The following SH3RF3 variants were observed in gnomAD, a reference collection of about 807,000 sequenced individuals.
SH3RF3 encodes SH3 domain containing ring finger 3, also known as E3 ubiquitin-protein ligase SH3RF3.
SH3RF3 carries 29 observed loss-of-function variants against 66.3 expected under a neutral mutation model. That is an observed-to-expected ratio of 0.44 (90% CI 0.33 to 0.60). The LOEUF is 0.60. Ranked by LOEUF, SH3RF3 falls within the 20% of genes least tolerant of loss-of-function variation. The pLI is 0.04. For synonymous variants in SH3RF3, 583 were observed against 532.0 expected, an observed-to-expected ratio of 1.10 and a Z score of -1.32; for missense variants, 1,194 against 1,190.9, an observed-to-expected ratio of 1.00 and a Z score of -0.04.
intron 1 of SH3RF3, among the ~76,000 whole-genome samples, chr2:109,145,669 A>G (rs1677077213): frequency 6.6e-6 from 1 of 152,148 alleles, no homozygotes; most frequent in Admixed American, 6.5e-5. Flanking sequence ...CTTTTCTAGA[A>G]TTTATCTTCT....
chr2:109,395,296 G>A (rs1676111136), intron 3 of SH3RF3, among the ~76,000 whole-genome samples: 1 of 152,230 alleles, frequency 6.6e-6, no homozygotes, highest in Non-Finnish European at 1.5e-5. Flanking sequence ...TCCACTCTGG[G>A]CTTTCAGAAC....
In SH3RF3 at chr2:109,244,917, G is replaced by A. The variant is rs935864307; in HGVS notation, c.574-102757G>A. On this transcript the variant is annotated intron_variant, in intron 1 of 9. Coordinates refer to ENST00000309415, the MANE Select transcript of SH3RF3 (RefSeq NM_001099289.3). The stretch of plus-strand genomic sequence containing the variant: ...GGACACAAGTTAGAAGCAAGACAAA[G>A]TTGGCTGGCCCTGAGCTTGCCCTTG... Among the ~76,000 whole-genome samples the A allele has an allele frequency of 7.2e-5, 11 of 152,350 alleles. No individual in the cohort carries two copies. In the Middle Eastern group the frequency reaches 0.027, roughly 377 times the overall value.
At chr2:109,494,468 C>G (rs780509543) in intron 9 of SH3RF3, among the ~76,000 whole-genome samples, 2 of 151,864 alleles carry the variant, frequency 1.3e-5, no homozygotes, top group Non-Finnish European at 2.9e-5. Context: ...GAGGGCATGA[C>G]TGGGAAAATG....
chr2:109,301,407 A>T (rs1247531013), intron 1 of SH3RF3, among the ~76,000 whole-genome samples: 1 of 151,096 alleles, frequency 6.6e-6, no homozygotes, highest in Non-Finnish European at 1.5e-5. Context: ...CTGTGTATGA[A>T]CTCATGTAGT....
intron 1 of SH3RF3, among the ~76,000 whole-genome samples, chr2:109,166,459 G>GAAAAAAAAAAAA (rs386390872): frequency 4.5e-5 from 6 of 134,282 alleles, no homozygotes; most frequent in Non-Finnish European, 9.4e-5. Flanking sequence ...CCTGGTGACA[G>GAAAAAAAAAAAA]AAAAAAAAAA....
At chr2:109,393,571 A>G (rs1262392162) in intron 3 of SH3RF3, among the ~76,000 whole-genome samples, 1 of 152,026 alleles carries the variant, frequency 6.6e-6, no homozygotes, top group Non-Finnish European at 1.5e-5. Flanking sequence ...CATCCATGAA[A>G]AGAGTCATGT....
intron 1 of SH3RF3, among the ~76,000 whole-genome samples, chr2:109,311,829 T>G (rs1048344080): frequency 6.6e-6 from 1 of 151,496 alleles, no homozygotes. Context: ...AATGGTGGTT[T>G]GTCCCTTTCT....
chr2:109,288,568 TCC>T (rs1681091869), intron 1 of SH3RF3, among the ~76,000 whole-genome samples: 1 of 152,252 alleles, frequency 6.6e-6, no homozygotes, highest in Non-Finnish European at 1.5e-5. Flanking sequence ...CACCTCCATT[TCC>T]TTTCTGTTGA....
intron 1 of SH3RF3, among the ~76,000 whole-genome samples, chr2:109,326,533 C>T (rs945888038): frequency 6.6e-6 from 1 of 152,104 alleles, no homozygotes; most frequent in African/African-American, 2.4e-5. Context: ...TAAATTTTTG[C>T]CAATCTGGTG....
intron 4 of SH3RF3, among the ~76,000 whole-genome samples, chr2:109,417,392 T>G (rs1676754117): frequency 6.6e-6 from 1 of 152,114 alleles, no homozygotes; most frequent in Non-Finnish European, 1.5e-5. Context: ...CTGTCTCCCT[T>G]CATGGAGAGG....
At chr2:109,318,022 G>A (rs960270085) in intron 1 of SH3RF3, among the ~76,000 whole-genome samples, 1 of 150,976 alleles carries the variant, frequency 6.6e-6, no homozygotes, top group Admixed American at 6.6e-5. Context: ...GCATTAAAAA[G>A]CAAAGGGCAG....
At chr2:109,427,659 G>A (rs1573242756) in intron 5 of SH3RF3, among the ~76,000 whole-genome samples, 1 of 152,364 alleles carries the variant, frequency 6.6e-6, no homozygotes, top group South Asian at 2.1e-4. Flanking sequence ...CAGCTCCTAA[G>A]CTGGCCTCAC....
intron 1 of SH3RF3, among the ~76,000 whole-genome samples, chr2:109,161,524 G>C (rs1677489740): frequency 6.6e-6 from 1 of 151,898 alleles, no homozygotes; most frequent in Admixed American, 6.6e-5. Context: ...CCTGGGGAGG[G>C]GAACATGTCT....
At chr2:109,233,172 A>G (rs904128238) in intron 1 of SH3RF3, among the ~76,000 whole-genome samples, 2 of 152,240 alleles carry the variant, frequency 1.3e-5, no homozygotes. Flanking sequence ...CTCAGTGGAC[A>G]GTCAGGGTGA....
chr2:109,405,493 C>T (rs2104464608), intron 4 of SH3RF3, among the ~76,000 whole-genome samples: 1 of 152,230 alleles, frequency 6.6e-6, no homozygotes, highest in East Asian at 1.9e-4. Flanking sequence ...AGATCTTCTC[C>T]CTGCGCACCA....
At chr2:109,457,368 A>G (rs1317912516) in intron 8 of SH3RF3, among the ~76,000 whole-genome samples, 1 of 152,270 alleles carries the variant, frequency 6.6e-6, no homozygotes, top group Non-Finnish European at 1.5e-5. Context: ...ACTATTATTC[A>G]GAAGTAGGGT....
intron 1 of SH3RF3, among the ~76,000 whole-genome samples, chr2:109,174,315 G>C (rs150781603): frequency 6.6e-6 from 1 of 152,406 alleles, no homozygotes; most frequent in Non-Finnish European, 1.5e-5. Flanking sequence ...GAGAGGAACA[G>C]ACATGTGGGG....
intron 7 of SH3RF3, among the ~76,000 whole-genome samples, chr2:109,439,481 C>G (rs1017356572): frequency 2.0e-5 from 3 of 152,164 alleles, no homozygotes; most frequent in African/African-American, 7.2e-5. Context: ...GCAGTAATTG[C>G]CCATTTCAGC....
In SH3RF3 at chr2:109,129,244, TC is replaced by T; in HGVS notation, c.-292del. 1.7e-6 allele frequency: 1 copy of T among 571,576 alleles called. No individual in the cohort carries two copies. Among genetic ancestry groups the T allele is most frequent in the South Asian group, 1.7e-5 (1 of 57,554 alleles). 35.4% of individuals were successfully genotyped at this position (571,576 alleles called of 1,614,324 possible). ...GCTTCGTGCCCGGCAGCACCCCCGG[TC>T]CCCCGCGCGGGGCGGACTTGCGGCG... is the stretch of plus-strand genomic sequence containing the variant. On this transcript the variant is annotated 5_prime_UTR_variant, in exon 1 of 10. Transcript: ENST00000309415.
Sources: allele counts gnomAD v4.1 joint callset (sites outside exome capture counted in the v4.1 genomes callset), GRCh38; gene constraint gnomAD v4.1.1; transcripts MANE v1.5; gene names NCBI Gene and HGNC (gene_info 2026-07-23, HGNC 2026-07-21).